The following ZRANB3 variants were observed in gnomAD, a reference collection of about 807,000 sequenced individuals.
The protein encoded by ZRANB3 is zinc finger RANBP2-type containing 3, also known as DNA annealing helicase and endonuclease ZRANB3.
In ZRANB3, 125 loss-of-function variants were observed where a neutral mutation model predicts 133.8. The observed-to-expected ratio is 0.93, with a 90% confidence interval of 0.81 to 1.08. ZRANB3 has a LOEUF of 1.08. Among genes scored for constraint, ZRANB3 ranks in the 50% least tolerant of loss-of-function variants. The pLI is 0.00. For missense variants in ZRANB3, 1,229 were observed against 1,275.5 expected, an observed-to-expected ratio of 0.96 and a Z score of 0.56; for synonymous variants, 387 against 432.7, an observed-to-expected ratio of 0.89 and a Z score of 1.31.
At chr2:135,352,345 A>AAT (rs1467655572) in intron 4 of ZRANB3, among the ~76,000 whole-genome samples, 1 of 151,116 alleles carries the variant, frequency 6.6e-6, no homozygotes, top group Non-Finnish European at 1.5e-5. Flanking sequence ...AAAAAAAAAA[A>AAT]ATTAATTAAT....
chr2:135,256,122 C>T (rs1478356266), intron 12 of ZRANB3, among the ~76,000 whole-genome samples: 1 of 151,812 alleles, frequency 6.6e-6, no homozygotes, highest in Non-Finnish European at 1.5e-5. Flanking sequence ...GCCATGTTGT[C>T]CAGGCTAAAT....
intron 12 of ZRANB3, among the ~76,000 whole-genome samples, chr2:135,253,285 A>T (rs1679491671): frequency 6.6e-6 from 1 of 152,150 alleles, no homozygotes; most frequent in Non-Finnish European, 1.5e-5. Flanking sequence ...AGCAAAGGAG[A>T]GGCATGCCTC....
intron 3 of ZRANB3, among the ~76,000 whole-genome samples, chr2:135,381,363 A>G (rs2104912234): frequency 6.6e-6 from 1 of 152,326 alleles, no homozygotes; most frequent in South Asian, 2.1e-4. Flanking sequence ...AAGCTCGAAC[A>G]GGGCGGAGCC....
intron 1 of ZRANB3, among the ~76,000 whole-genome samples, chr2:135,514,471 T>G (rs1379530330): frequency 1.3e-5 from 2 of 152,250 alleles, no homozygotes; most frequent in Admixed American, 1.3e-4. Context: ...AAAATGCTTG[T>G]GATTTTTGCA....
At chr2:135,433,895 G>A (rs1689420358) in intron 2 of ZRANB3, among the ~76,000 whole-genome samples, 1 of 152,226 alleles carries the variant, frequency 6.6e-6, no homozygotes, top group Non-Finnish European at 1.5e-5. Flanking sequence ...TACTTGGGAG[G>A]CTGAGGCAGG....
At chr2:135,362,349 G>A (rs1685734252) in intron 3 of ZRANB3, among the ~76,000 whole-genome samples, 1 of 152,182 alleles carries the variant, frequency 6.6e-6, no homozygotes, top group African/African-American at 2.4e-5. Context: ...TATGCTTTGG[G>A]AACTGTGCTA....
intron 2 of ZRANB3, among the ~76,000 whole-genome samples, chr2:135,423,833 C>A (rs1201983594): frequency 1.3e-5 from 2 of 152,132 alleles, no homozygotes; most frequent in Non-Finnish European, 2.9e-5. Context: ...ATCAGACCAG[C>A]CCACAATAAA....
chr2:135,319,048 G>A (rs1683392411), intron 6 of ZRANB3, among the ~76,000 whole-genome samples: 1 of 152,094 alleles, frequency 6.6e-6, no homozygotes, highest in Admixed American at 6.6e-5. Context: ...TTTAAAATGG[G>A]GTGTATACAG....
At chr2:135,426,582 C>A (rs1211706520) in intron 2 of ZRANB3, among the ~76,000 whole-genome samples, 2 of 151,708 alleles carry the variant, frequency 1.3e-5, no homozygotes, top group Non-Finnish European at 2.9e-5. Flanking sequence ...GTAATCCCAG[C>A]AGTTTGGGAG....
At chr2:135,356,864 C>T (rs1685461218) in intron 3 of ZRANB3, among the ~76,000 whole-genome samples, 1 of 151,932 alleles carries the variant, frequency 6.6e-6, no homozygotes. Context: ...GCCACCATGC[C>T]CAGCTATTTT....
chr2:135,274,623 T>A (rs111538679), intron 9 of ZRANB3, among the ~76,000 whole-genome samples: 53 of 152,198 alleles, frequency 3.5e-4, no homozygotes, highest in African/African-American at 1.2e-3. Flanking sequence ...ATTTATTTTT[T>A]ATTTATTTAT....
At chr2:135,496,504 G>C (rs1692678135) in intron 2 of ZRANB3, among the ~76,000 whole-genome samples, 1 of 144,156 alleles carries the variant, frequency 6.9e-6, no homozygotes, top group South Asian at 2.2e-4. Flanking sequence ...AACAATAAAA[G>C]GCAAAATTAA....
Position 135,468,652 on chromosome 2 carries a change from C to T in ZRANB3, c.161+35677G>A, listed in dbSNP as rs539653287. Among the ~76,000 whole-genome samples, 50 of 152,210 alleles carry T rather than the reference C, an allele frequency of 3.3e-4. No individual in the cohort carries two copies. In the South Asian group the frequency reaches 8.5e-3, roughly 26 times the overall value. On this transcript the variant is annotated intron_variant, in intron 2 of 20. Coordinates refer to ENST00000264159, the MANE Select transcript of ZRANB3 (RefSeq NM_032143.4). The stretch of plus-strand genomic sequence containing the variant: ...CAGAAAGCAAAAACAGTATTTAGAC[C>T]CTAAGTTGTAGAACACTGGTTTAAG...
chr2:135,365,421 T>C (rs1041922350), intron 3 of ZRANB3, among the ~76,000 whole-genome samples: 1 of 152,186 alleles, frequency 6.6e-6, no homozygotes, highest in African/African-American at 2.4e-5. Flanking sequence ...TCTCAGGTAA[T>C]CAATTAAAGT....
chr2:135,479,664 A>C (rs1691672964), intron 2 of ZRANB3, among the ~76,000 whole-genome samples: 1 of 150,424 alleles, frequency 6.6e-6, no homozygotes, highest in Non-Finnish European at 1.5e-5. Context: ...AGACTATCTC[A>C]AAAAAAAACA....
intron 8 of ZRANB3, among the ~76,000 whole-genome samples, chr2:135,306,801 G>C (rs984065514): frequency 1.6e-4 from 24 of 151,776 alleles, no homozygotes; most frequent in African/African-American, 5.3e-4. Context: ...TGTTGGTCAG[G>C]CTGGTCTCGA....
At chr2:135,348,773 T>G (rs1685061709) in intron 5 of ZRANB3, among the ~76,000 whole-genome samples, 1 of 152,088 alleles carries the variant, frequency 6.6e-6, no homozygotes, top group East Asian at 1.9e-4. Context: ...TTTGTGTTTT[T>G]AGTAAAGATG....
intron 6 of ZRANB3, among the ~76,000 whole-genome samples, chr2:135,342,627 G>A (rs1424265340): frequency 6.8e-6 from 1 of 148,066 alleles, no homozygotes; most frequent in Non-Finnish European, 1.5e-5. Flanking sequence ...TTTTTTTTAA[G>A]TAAAAAAATT....
At chr2:135,249,391 T>A (rs533196851) in intron 12 of ZRANB3, among the ~76,000 whole-genome samples, 1 of 152,256 alleles carries the variant, frequency 6.6e-6, no homozygotes, top group Non-Finnish European at 1.5e-5. Flanking sequence ...GTGGTACTTA[T>A]ATGCCATTGA....
Sources: gnomAD v4.1 joint callset for allele counts (sites outside exome capture counted in the v4.1 genomes callset) on GRCh38, gnomAD v4.1.1 for gene constraint, MANE v1.5 for transcripts, NCBI Gene and HGNC (gene_info 2026-07-23, HGNC 2026-07-21) for gene names.